Variants in SLC9A9 observed in about 807,000 individuals in gnomAD.
SLC9A9 encodes the protein solute carrier family 9 member A9.
A neutral mutation model predicts 77.8 loss-of-function variants in SLC9A9; 62 were observed. That is an observed-to-expected ratio of 0.80 (90% CI 0.65 to 0.98). SLC9A9 has a LOEUF of 0.98. SLC9A9 is among the 50% of genes least tolerant of loss of function. SLC9A9 has a pLI of 0.00. For missense variants in SLC9A9, 775 were observed against 774.9 expected (o/e 1.00, Z 0.00); for synonymous variants, 320 against 283.5 (o/e 1.13, Z -1.29).
chr3:143,807,067 G>T (rs1215154222), intron 2 of SLC9A9, among the ~76,000 whole-genome samples: 1 of 152,188 alleles, frequency 6.6e-6, no homozygotes, highest in Non-Finnish European at 1.5e-5. Flanking sequence ...TCCAAAGGCA[G>T]AAATGTGACC....
At chr3:143,717,270 A>AC (rs1560046207) in intron 4 of SLC9A9, among the ~76,000 whole-genome samples, 1 of 152,202 alleles carries the variant, frequency 6.6e-6, no homozygotes, top group Non-Finnish European at 1.5e-5. Context: ...TCCCAGTGAT[A>AC]CCATGTTGCT....
chr3:143,704,255 G>T (rs1576670619), intron 4 of SLC9A9, among the ~76,000 whole-genome samples: 1 of 152,226 alleles, frequency 6.6e-6, no homozygotes, highest in East Asian at 1.9e-4. Context: ...AACAAGACCA[G>T]ACAACGACAC....
chr3:143,617,956 A>G (rs2038134403), intron 6 of SLC9A9, among the ~76,000 whole-genome samples: 1 of 151,278 alleles, frequency 6.6e-6, no homozygotes, highest in African/African-American at 2.5e-5. Flanking sequence ...AATGGACTAC[A>G]GGAGAGAGAG....
intron 6 of SLC9A9, among the ~76,000 whole-genome samples, chr3:143,580,298 G>A (rs1319632779): frequency 6.6e-6 from 1 of 152,124 alleles, no homozygotes. Flanking sequence ...TTTGCATTCT[G>A]CCCTTCAGAC....
chr3:143,344,868 AGT>A (rs1476547727), intron 14 of SLC9A9, among the ~76,000 whole-genome samples: 1 of 151,920 alleles, frequency 6.6e-6, no homozygotes, highest in African/African-American at 2.4e-5. Context: ...AGGGAAAAAA[AGT>A]GTTATGTAGT....
chr3:143,703,768 CAA>C (rs1933872199), intron 4 of SLC9A9, among the ~76,000 whole-genome samples: 1 of 151,632 alleles, frequency 6.6e-6, no homozygotes, highest in Non-Finnish European at 1.5e-5. Context: ...ATCAATAAAA[CAA>C]AAAGTCAGTT....
At chr3:143,824,802 C>A (rs756458444) in intron 2 of SLC9A9, among the ~76,000 whole-genome samples, 2 of 152,202 alleles carry the variant, frequency 1.3e-5, no homozygotes, top group Non-Finnish European at 2.9e-5. Flanking sequence ...GAGGTCATCT[C>A]ACAGGCCAAC....
At chr3:143,837,563 G>A (rs1479278164) in intron 1 of SLC9A9, among the ~76,000 whole-genome samples, 1 of 152,154 alleles carries the variant, frequency 6.6e-6, no homozygotes, top group African/African-American at 2.4e-5. Flanking sequence ...AAACTGGTAA[G>A]TGTATCAGGT....
At chr3:143,673,294 G>A (rs1415280846) in intron 5 of SLC9A9, among the ~76,000 whole-genome samples, 1 of 152,150 alleles carries the variant, frequency 6.6e-6, no homozygotes, top group African/African-American at 2.4e-5. Context: ...CCCACCCATA[G>A]GAGCCCTGCA....
chr3:143,578,744 A>C, intron 6 of SLC9A9, 21 bp from the exon 7 acceptor site: 4 of 1,613,762 alleles, frequency 2.5e-6, no homozygotes, highest in Non-Finnish European at 3.4e-6. Flanking sequence ...AAGAGGGTGG[A>C]GGTTAGTTAG....
chr3:143,567,625 C>T (rs13085041), intron 8 of SLC9A9, among the ~76,000 whole-genome samples: 99,822 of 152,060 alleles, frequency 0.66, 33,599 homozygotes, highest in African/African-American at 0.81. Context: ...CTATTGAACA[C>T]TGGCAGGTGC....
chr3:143,445,186 T>C (rs767811025), intron 12 of SLC9A9, among the ~76,000 whole-genome samples: 1 of 152,218 alleles, frequency 6.6e-6, no homozygotes, highest in African/African-American at 2.4e-5. Context: ...TGTGGCTCAC[T>C]CTGCTGTTGT....
chr3:143,828,272 T>C (rs2009348841), intron 2 of SLC9A9, among the ~76,000 whole-genome samples: 1 of 152,172 alleles, frequency 6.6e-6, no homozygotes, highest in South Asian at 2.1e-4. Flanking sequence ...AATTTCTAAA[T>C]ACTGTATGTT....
chr3:143,415,023 C>T (rs956011411), intron 12 of SLC9A9, among the ~76,000 whole-genome samples: 17 of 152,180 alleles, frequency 1.1e-4, no homozygotes, highest in Non-Finnish European at 2.4e-4. Context: ...TTTTAGCCAT[C>T]TGGATAGAAG....
intron 4 of SLC9A9, among the ~76,000 whole-genome samples, chr3:143,755,879 G>C (rs923166315): frequency 1.3e-5 from 2 of 152,046 alleles, no homozygotes; most frequent in African/African-American, 4.8e-5. Context: ...GAGGAAAAGT[G>C]GGAGAGAATT....
At chr3:143,280,344 T>C (rs577041490) in intron 14 of SLC9A9, among the ~76,000 whole-genome samples, 1 of 152,268 alleles carries the variant, frequency 6.6e-6, no homozygotes, top group South Asian at 2.1e-4. Context: ...TATGTAACAC[T>C]GGGTTATTTT....
intron 4 of SLC9A9, among the ~76,000 whole-genome samples, chr3:143,710,249 G>C (rs1356839259): frequency 6.6e-6 from 1 of 152,122 alleles, no homozygotes; most frequent in Admixed American, 6.6e-5. Context: ...GCTTTCAAAA[G>C]TATCTCAAAG....
chr3:143,738,913 A>G (rs1935008114), intron 4 of SLC9A9, among the ~76,000 whole-genome samples: 1 of 152,166 alleles, frequency 6.6e-6, no homozygotes, highest in African/African-American at 2.4e-5. Flanking sequence ...TGGATATACC[A>G]CCTTCCTAGT....
At chr3:143,640,601 CT>C (rs1307024050) in intron 6 of SLC9A9, among the ~76,000 whole-genome samples, 1 of 151,932 alleles carries the variant, frequency 6.6e-6, no homozygotes, top group Non-Finnish European at 1.5e-5. Context: ...TGGCTCACAA[CT>C]GTAATCCCAG....
Sources: allele counts gnomAD v4.1 joint callset (sites outside exome capture counted in the v4.1 genomes callset), GRCh38; gene constraint gnomAD v4.1.1; transcripts MANE v1.5; gene names NCBI Gene and HGNC (gene_info 2026-07-23, HGNC 2026-07-21).